The following GSE1 variants were observed in gnomAD, a reference collection of about 807,000 sequenced individuals.
The protein encoded by GSE1 is Gse1 coiled-coil protein, also known as genetic suppressor element 1.
A neutral mutation model predicts 112.6 loss-of-function variants in GSE1; 32 were observed. The observed-to-expected ratio is 0.28, with a 90% CI of 0.21 to 0.38. The LOEUF (loss-of-function observed/expected upper bound fraction) is 0.38. GSE1 is among the 10% of genes least tolerant of loss of function. The probability of loss-of-function intolerance (pLI) is 1.00; values close to 1 mark genes in which losing one functional copy is unlikely to be tolerated. For synonymous variants in GSE1, 1,115 were observed against 735.6 expected (o/e 1.52, Z -8.35); for missense variants, 2,348 against 1,699.2 (o/e 1.38, Z -6.71).
chr16:85,291,594 G>C (rs868209013), intron 1 of GSE1, among the ~76,000 whole-genome samples: 5 of 152,192 alleles, frequency 3.3e-5, no homozygotes, highest in Admixed American at 1.3e-4. Flanking sequence ...TGTGGCCACC[G>C]CCTGGTAAGG....
At chr16:85,321,375 C>G (rs936972424) in intron 1 of GSE1, among the ~76,000 whole-genome samples, 6 of 152,204 alleles carry the variant, frequency 3.9e-5, no homozygotes, top group Admixed American at 1.3e-4. Flanking sequence ...TCTGCCTGAG[C>G]TGGTCTGCTT....
At chr16:85,639,897 G>C (rs115100282) in intron 2 of GSE1, among the ~76,000 whole-genome samples, 1,892 of 151,606 alleles carry the variant, frequency 0.012, 38 homozygotes, top group African/African-American at 0.044. Context: ...CGGAGGTACG[G>C]GGAGCCTTGC....
exon 1 of GSE1, chr16:85,556,024 G>GT (rs1423459521): frequency 2.0e-6 from 2 of 984,870 alleles, no homozygotes; most frequent in Non-Finnish European, 2.4e-6. Context: ...CCGGGCAGCC[G>GT]TGGAGGCTCC....
intron 2 of GSE1, among the ~76,000 whole-genome samples, chr16:85,441,380 C>T (rs918429200): frequency 1.3e-5 from 2 of 152,178 alleles, no homozygotes; most frequent in Non-Finnish European, 1.5e-5. Context: ...CGTGGTCTGG[C>T]GTGGTGGCTC....
chr16:85,644,919 G>A (rs2050730176), intron 2 of GSE1, among the ~76,000 whole-genome samples: 1 of 151,836 alleles, frequency 6.6e-6, no homozygotes, highest in Middle Eastern at 3.4e-3. Context: ...AAAACTTAAA[G>A]TGAACTTTTT....
chr16:85,662,927 CA>C (rs2052549793), intron 9 of GSE1, 53 bp from the exon 10 acceptor site: 2 of 1,254,698 alleles, frequency 1.6e-6, no homozygotes, highest in Non-Finnish European at 2.3e-6. Flanking sequence ...CGGGCATGTC[CA>C]CTGGACAGAT....
chr16:85,254,954 G>A (rs554450784), intron 1 of GSE1, among the ~76,000 whole-genome samples: 1 of 152,228 alleles, frequency 6.6e-6, no homozygotes, highest in Non-Finnish European at 1.5e-5. Context: ...ACACTGTTCT[G>A]TGTCCCCCGG....
intron 1 of GSE1, among the ~76,000 whole-genome samples, chr16:85,341,954 C>T (rs577453380): frequency 6.6e-6 from 1 of 152,254 alleles, no homozygotes; most frequent in South Asian, 2.1e-4. Context: ...AGGACATACC[C>T]TCGGTCTCTC....
chr16:85,498,677 C>T (rs1028229133), intron 2 of GSE1, among the ~76,000 whole-genome samples: 1 of 152,396 alleles, frequency 6.6e-6, no homozygotes, highest in Middle Eastern at 3.4e-3. Context: ...CGTGTATGCA[C>T]ACGACAGCAC....
At chr16:85,659,991 G>C (rs371338925) in intron 8 of GSE1, among the ~76,000 whole-genome samples, 1 of 152,352 alleles carries the variant, frequency 6.6e-6, no homozygotes, top group African/African-American at 2.4e-5. Flanking sequence ...TTCACAGTGG[G>C]TTTGGCTCTG....
intron 1 of GSE1, among the ~76,000 whole-genome samples, chr16:85,585,157 C>T (rs932437491): frequency 5.3e-5 from 8 of 152,212 alleles, no homozygotes; most frequent in African/African-American, 1.7e-4. Context: ...TTGTCTCTGG[C>T]GAGGCCACAG....
At chr16:85,380,280 G>A (rs1343222998) in intron 2 of GSE1, among the ~76,000 whole-genome samples, 1 of 152,166 alleles carries the variant, frequency 6.6e-6, no homozygotes, top group Non-Finnish European at 1.5e-5. Flanking sequence ...AAGATTCCAG[G>A]ACGCAAAGGA....
intron 2 of GSE1, among the ~76,000 whole-genome samples, chr16:85,371,151 G>A (rs1218752748): frequency 6.6e-6 from 1 of 152,244 alleles, no homozygotes; most frequent in Non-Finnish European, 1.5e-5. Flanking sequence ...CCCAGGCCAA[G>A]GGGAGCTGAC....
chr16:85,423,990 C>T (rs1025601270), intron 2 of GSE1, among the ~76,000 whole-genome samples: 1 of 152,076 alleles, frequency 6.6e-6, no homozygotes, highest in Non-Finnish European at 1.5e-5. Context: ...CTGCTCTCCT[C>T]GAGTCCCTCC....
chr16:85,382,027 C>T lies in GSE1; in HGVS notation c.2464+24384C>T, dbSNP rs147716207. ...TCAGCCAAGCTGGCTCTCAGGTCTC[C>T]TGGAGCTCCACAGAGCCCCGGCTTT... is the stretch of plus-strand genomic sequence containing the variant. On this transcript the variant is annotated intron_variant, in intron 2 of 2. Coordinates refer to the GSE1 transcript ENST00000637419. 3.9e-5 allele frequency among the ~76,000 whole-genome samples: 6 copies of T among 152,358 alleles called. No individual in the cohort carries two copies. The East Asian group carries it at 1.2e-3, about 29-fold the overall frequency.
In GSE1 at chr16:85,654,440, C is replaced by A; in HGVS notation, c.589C>A (p.Pro197Thr). The A allele has an allele frequency of 6.4e-7, 1 of 1,567,684 alleles. No individual in the cohort carries two copies. Among genetic ancestry groups the A allele is most frequent in the Non-Finnish European group, 8.7e-7 (1 of 1,155,094 alleles). The stretch of plus-strand genomic sequence containing the variant: ...CTCAGTTGTGCAGGATTCCCGCTTC[C>A]CGCCACTCAAGTAAGTTGGTCGGCG... ...PSSVVQDSRF[P>T]PLNLQRPVHH... Residue 197 changes from proline (P) to threonine (T), a missense_variant, in exon 4 of 16, where the codon CCG (proline) becomes ACG (threonine). Pro to Thr is a conservative substitution (Grantham distance 38, BLOSUM62 -1). Transcript: ENST00000253458.
At chr16:85,200,822 C>T (rs1052840910) in intron 1 of GSE1, among the ~76,000 whole-genome samples, 1 of 152,178 alleles carries the variant, frequency 6.6e-6, no homozygotes, top group African/African-American at 2.4e-5. Context: ...TGTGCAGCCA[C>T]CACCACCGTC....
rs542674469 is a variant in GSE1 at position 85,656,412 on chromosome 16, T to G, written c.1059T>G (p.Ala353=). 2 of 1,571,826 alleles carry G rather than the reference T, an allele frequency of 1.3e-6. No homozygotes were observed. The highest frequency in any genetic ancestry group is 2.8e-5 in the African/African-American group (2 of 71,452). Residue 353 remains alanine, a synonymous_variant, in exon 7 of 16, where the codon GCT becomes GCG. Transcript: ENST00000253458. ...GCGAGCGCGAGCGTGAGCGTGAGGCTGACCGCGAGCGGGAGAAGGAACGTG... is the reference window on the plus strand; with the variant it reads ...GCGAGCGCGAGCGTGAGCGTGAGGCGGACCGCGAGCGGGAGAAGGAACGTG... The part of the protein sequence containing the change: ...RERERERERE[A]DREREKERER...
intron 2 of GSE1, among the ~76,000 whole-genome samples, chr16:85,395,416 G>A (rs2047942406): frequency 6.6e-6 from 1 of 152,144 alleles, no homozygotes; most frequent in Admixed American, 6.5e-5. Flanking sequence ...TCACAGGTGG[G>A]CACACCAAGG....
Sources: gnomAD v4.1 joint callset for allele counts (sites outside exome capture counted in the v4.1 genomes callset) on GRCh38, gnomAD v4.1.1 for gene constraint, MANE v1.5 for transcripts, NCBI Gene and HGNC (gene_info 2026-07-23, HGNC 2026-07-21) for gene names.